KIF5A: variants seen among roughly 807,000 people sequenced by gnomAD.
KIF5A encodes the protein kinesin heavy chain isoform 5A.
Under a neutral mutation model 141.3 loss-of-function variants are expected in KIF5A, and 35 were observed. The observed-to-expected ratio is 0.25, with a 90% CI of 0.19 to 0.33. The LOEUF (loss-of-function observed/expected upper bound fraction) is 0.33, where lower values mean the gene tolerates loss of function less well. Ranked by LOEUF, KIF5A falls within the 10% of genes least tolerant of loss-of-function variation. The probability of loss-of-function intolerance (pLI) is 1.00; values close to 1 mark genes in which losing one functional copy is unlikely to be tolerated. For synonymous variants in KIF5A, 448 were observed against 500.2 expected, an observed-to-expected ratio of 0.90 and a Z score of 1.39; for missense variants, 861 against 1,314.3, an observed-to-expected ratio of 0.66 and a Z score of 5.33.
In KIF5A at chr12:57,581,960, A is replaced by G; in HGVS notation, c.2992+8A>G. The G allele has an allele frequency of 6.2e-7, 1 of 1,612,196 alleles. No homozygotes were observed. The highest frequency in any genetic ancestry group is 8.5e-7 in the Non-Finnish European group (1 of 1,178,198). On this transcript the variant is annotated splice_region_variant and intron_variant, in intron 26 of 28. Coordinates refer to ENST00000455537, the MANE Select transcript of KIF5A (RefSeq NM_004984.4). ...AGGCCAACATGGACAATGGTGAGTG[A>G]AAAAGATGGGTAATCCCACCTTTGG...
chr12:57,574,066 A>G (rs765853219), intron 15 of KIF5A, among the ~76,000 whole-genome samples: 21 of 141,570 alleles, frequency 1.5e-4, no homozygotes, highest in Admixed American at 2.9e-4. Flanking sequence ...TGGGTGACAG[A>G]GGGAGACTCT....
At chr12:57,561,611 T>C (rs965467514) in intron 1 of KIF5A, among the ~76,000 whole-genome samples, 2 of 152,198 alleles carry the variant, frequency 1.3e-5, no homozygotes, top group African/African-American at 4.8e-5. Flanking sequence ...AAACATTTAT[T>C]AGTTTTCTTT....
intron 15 of KIF5A, 46 bp from the exon 16 acceptor site, chr12:57,575,038 C>G (rs778592197): frequency 5.0e-6 from 8 of 1,591,146 alleles, no homozygotes; most frequent in Non-Finnish European, 6.0e-6. Context: ...ACAGATAAAG[C>G]TTCCCAGCAG....
intron 1 of KIF5A, among the ~76,000 whole-genome samples, chr12:57,555,645 T>G (rs950582565): frequency 1.3e-5 from 2 of 151,558 alleles, no homozygotes; most frequent in East Asian, 3.9e-4. Context: ...GCACGGTGGC[T>G]CACGCCTATA....
intron 3 of KIF5A, 37 bp downstream of exon 3, chr12:57,563,730 G>T (rs576428046): frequency 1.3e-6 from 2 of 1,566,338 alleles, no homozygotes; most frequent in African/African-American, 2.7e-5. Flanking sequence ...GGGGCTAGGA[G>T]TGTTAATGGA....
rs1882435382 is a variant in KIF5A at position 57,576,662 on chromosome 12, T to C, written c.2199-99T>C. On this transcript the variant is annotated intron_variant, in intron 19 of 28. Transcript: ENST00000455537. ...GTGGACACATCAATTCTAACTGGAC[T>C]CACTCGTTCAAAAAGGAAGAAGTTT... 2.6e-5 allele frequency: 23 copies of C among 881,372 alleles called. No individual in the cohort carries two copies. In the South Asian group the frequency reaches 2.8e-4, roughly 11 times the overall value. 54.6% of individuals were successfully genotyped at this position (881,372 alleles called of 1,614,324 possible). A position where few individuals can be genotyped will look rare whatever the true frequency, so the allele number is the denominator to read the frequency against.
chr12:57,565,209 C>T (rs1396806344), intron 6 of KIF5A, among the ~76,000 whole-genome samples: 4 of 151,262 alleles, frequency 2.6e-5, no homozygotes, highest in African/African-American at 9.7e-5. Flanking sequence ...CACTTGAGGC[C>T]GGGAGTTCAA....
chr12:57,564,779 C>T (rs1405588208), intron 5 of KIF5A, 139 bp from the exon 6 acceptor site: 4 of 852,512 alleles, frequency 4.7e-6, no homozygotes, highest in Non-Finnish European at 7.9e-6. Context: ...GAGCCTTCAG[C>T]TCGTGCAGGG....
chr12:57,558,403 C>T (rs866612494), intron 1 of KIF5A, among the ~76,000 whole-genome samples: 2 of 150,422 alleles, frequency 1.3e-5, no homozygotes, highest in Admixed American at 6.6e-5. Flanking sequence ...AGGCCAGGTG[C>T]GGTGGCTTAC....
Position 57,572,801 on chromosome 12 carries a change from C to T in KIF5A, c.1716+75C>T. The T allele has an allele frequency of 1.0e-5, 16 of 1,554,292 alleles. No individual in the cohort carries two copies. Among genetic ancestry groups the T allele is most frequent in the Non-Finnish European group, 1.2e-5 (14 of 1,125,840 alleles). On this transcript the variant is annotated intron_variant, in intron 15 of 28. Coordinates refer to ENST00000455537, the MANE Select transcript of KIF5A (RefSeq NM_004984.4). The surrounding 1 kb of genome is among the most constrained non-coding windows in gnomAD (Gnocchi z 4.2). ...ACGCAAGATGAGCCATCCAGGCCTTCACAGATACTGAGAAAGGCAGCCAGA... is the reference window on the plus strand; with the variant it reads ...ACGCAAGATGAGCCATCCAGGCCTTTACAGATACTGAGAAAGGCAGCCAGA...
chr12:57,569,191 C>A (rs1316243405), intron 9 of KIF5A, 65 bp from the exon 10 acceptor site: 30 of 1,602,220 alleles, frequency 1.9e-5, no homozygotes, highest in Non-Finnish European at 2.4e-5. Context: ...GCACCACTAT[C>A]CTTTCTGATT....
chr12:57,563,099 C>G (rs1028013436), intron 1 of KIF5A, among the ~76,000 whole-genome samples: 2 of 151,436 alleles, frequency 1.3e-5, no homozygotes, highest in African/African-American at 4.9e-5. Context: ...CTCTGCCTCT[C>G]GGGTTCAAGC....
At chr12:57,576,045 G>C (rs1338139780) in intron 17 of KIF5A, 42 bp from the exon 18 acceptor site, 1 of 1,590,800 alleles carries the variant, frequency 6.3e-7, no homozygotes, top group Non-Finnish European at 8.6e-7. Flanking sequence ...CTTTCCGAAA[G>C]AGGTAGGTTT....
intron 8 of KIF5A, among the ~76,000 whole-genome samples, chr12:57,567,887 CTT>C (rs538379606): frequency 2.8e-5 from 4 of 140,986 alleles, no homozygotes; most frequent in African/African-American, 5.2e-5. Context: ...GTCCTTGGCT[CTT>C]TTTTTTTTTT....
chr12:57,569,799 G>A, intron 11 of KIF5A, 116 bp downstream of exon 11: 2 of 1,501,150 alleles, frequency 1.3e-6, no homozygotes, highest in Non-Finnish European at 1.8e-6. Flanking sequence ...GAGGGGCTGT[G>A]TTTCTGGACA....
chr12:57,573,828 CAA>C (rs556161029), intron 15 of KIF5A, among the ~76,000 whole-genome samples: 28 of 65,186 alleles, frequency 4.3e-4, no homozygotes, highest in Admixed American at 1.2e-3. Flanking sequence ...AACTCCGTCT[CAA>C]AAAAAAAAAA....
At position 57,572,913 on chromosome 12, in the gene KIF5A, G is replaced by C. The variant is rs1004123536; in HGVS notation, c.1716+187G>C. 6.6e-6 allele frequency among the ~76,000 whole-genome samples: 1 copy of C among 152,238 alleles called. No individual in the cohort carries two copies. The highest frequency in any genetic ancestry group is 6.5e-5 in the Admixed American group (1 of 15,282). ...AATTGAAAAGATACATTCTAGGTTG[G>C]GCGCAGTGGCTCACCGCTGTAATCC... On this transcript the variant is annotated intron_variant, in intron 15 of 28. Transcript: ENST00000455537. The surrounding 1 kb of genome is among the most constrained non-coding windows in gnomAD (Gnocchi z 4.2).
At chr12:57,556,777 TAG>T (rs1213451988) in intron 1 of KIF5A, among the ~76,000 whole-genome samples, 2 of 152,016 alleles carry the variant, frequency 1.3e-5, no homozygotes, top group Admixed American at 6.6e-5. Flanking sequence ...GAAGCATGGA[TAG>T]AGATTGTTGG....
At chr12:57,582,892 G>A (rs184372599) in intron 27 of KIF5A, 11 of 643,342 alleles carry the variant, frequency 1.7e-5, no homozygotes, top group East Asian at 2.7e-5. Flanking sequence ...GGCATCTGAC[G>A]ACTGGGTTTC....
Sources: allele counts gnomAD v4.1 joint callset (sites outside exome capture counted in the v4.1 genomes callset), GRCh38; gene constraint gnomAD v4.1.1; non-coding constraint Gnocchi (gnomAD v3.1); transcripts MANE v1.5; gene names NCBI Gene and HGNC (gene_info 2026-07-23, HGNC 2026-07-21).